Variants in SLC9C1 observed in about 807,000 individuals in gnomAD.
SLC9C1 encodes the protein solute carrier family 9 member C1.
SLC9C1 carries 97 observed loss-of-function variants against 140.9 expected under a neutral mutation model. The ratio of observed to expected loss-of-function variants is 0.69; its 90% CI spans 0.58 to 0.82. SLC9C1 has a LOEUF of 0.82. Among genes scored for constraint, SLC9C1 ranks in the 40% least tolerant of loss-of-function variants. The probability of loss-of-function intolerance (pLI) is 0.00; values close to 1 mark genes in which losing one functional copy is unlikely to be tolerated. For synonymous variants in SLC9C1, 440 were observed against 442.6 expected, an observed-to-expected ratio of 0.99 and a Z score of 0.07; for missense variants, 1,340 against 1,389.3, an observed-to-expected ratio of 0.96 and a Z score of 0.56.
chr3:112,216,431 G>A (rs1560079199), intron 15 of SLC9C1, among the ~76,000 whole-genome samples: 1 of 151,966 alleles, frequency 6.6e-6, no homozygotes, highest in Non-Finnish European at 1.5e-5. Flanking sequence ...CCTACAGAAT[G>A]GGAGAAAATT....
intron 10 of SLC9C1, among the ~76,000 whole-genome samples, chr3:112,258,918 G>GA (rs1423836182): frequency 5.3e-5 from 8 of 151,984 alleles, no homozygotes; most frequent in Admixed American, 2.6e-4. Flanking sequence ...AGGAGAGAGA[G>GA]GGAGTCAAAG....
At chr3:112,180,711 G>C (rs760917340) in intron 21 of SLC9C1, 49 bp from the exon 22 acceptor site, 1 of 1,445,628 alleles carries the variant, frequency 6.9e-7, no homozygotes, top group African/African-American at 1.4e-5. Context: ...TTTTAGAAGT[G>C]GTTGGGAATG....
Position 112,215,273 on chromosome 3 carries a change from A to G in SLC9C1, c.1790+2169T>C, listed in dbSNP as rs375448789. 2.5e-4 allele frequency among the ~76,000 whole-genome samples: 38 copies of G among 150,780 alleles called. 1 individual carries two copies. In the East Asian group the frequency reaches 5.4e-3, roughly 22 times the overall value. On this transcript the variant is annotated intron_variant, in intron 15 of 28. Coordinates refer to ENST00000305815, the MANE Select transcript of SLC9C1 (RefSeq NM_183061.3). ...TATCATACTGAATGGGCAAAAACTG[A>G]AAGCATTCCCTTTGAAAACTGGCAC...
At chr3:112,162,572 T>C (rs561870301) in intron 26 of SLC9C1, among the ~76,000 whole-genome samples, 1,528 of 152,344 alleles carry the variant, frequency 0.01, 25 homozygotes, top group African/African-American at 0.034. Context: ...CTGGAGTACA[T>C]TTATTGATTT....
At chr3:112,185,161 CT>C (rs1372766759) in intron 20 of SLC9C1, among the ~76,000 whole-genome samples, 7 of 152,076 alleles carry the variant, frequency 4.6e-5, no homozygotes, top group Non-Finnish European at 8.8e-5. Context: ...GCCCACTCTG[CT>C]TCACTCGTCC....
intron 10 of SLC9C1, among the ~76,000 whole-genome samples, chr3:112,250,504 G>T (rs2079424282): frequency 6.7e-6 from 1 of 148,708 alleles, no homozygotes; most frequent in South Asian, 2.2e-4. Context: ...TTCCACAATG[G>T]TTGAACTAGT....
At position 112,179,606 on chromosome 3, in the gene SLC9C1, TCCACTGAGCATA is replaced by T; in HGVS notation, c.2832_2843del (p.Tyr944_Gly948delinsTer). The T allele has an allele frequency of 1.2e-6, 2 of 1,612,218 alleles. No individual in the cohort carries two copies. The highest frequency in any genetic ancestry group is 1.7e-6 in the Non-Finnish European group (2 of 1,179,302). ...AGCAGTTTATCTCTCCTATTATTTCTCCACTGAGCATATAGTCTGTGTCAATTATCGGAAAAT... is the reference window on the plus strand; with the variant it reads ...AGCAGTTTATCTCTCCTATTATTTCTTAGTCTGTGTCAATTATCGGAAAAT... On this transcript the variant is annotated stop_gained and inframe_deletion, in exon 23 of 29. Coordinates refer to ENST00000305815, the MANE Select transcript of SLC9C1 (RefSeq NM_183061.3). LOFTEE classifies it high-confidence loss of function.
chr3:112,211,274 A>T (rs2078195605), intron 15 of SLC9C1, among the ~76,000 whole-genome samples: 1 of 152,226 alleles, frequency 6.6e-6, no homozygotes, highest in African/African-American at 2.4e-5. Context: ...ACAGCTCCCA[A>T]CATGAGTGAC....
chr3:112,204,082 A>G (rs2108044749), intron 17 of SLC9C1, 136 bp downstream of exon 17: 1 of 998,450 alleles, frequency 1.0e-6, no homozygotes, highest in East Asian at 4.1e-5. Context: ...TAATTTGCCA[A>G]AGGAAGCTAA....
At chr3:112,265,482 C>T (rs2079892555) in intron 8 of SLC9C1, among the ~76,000 whole-genome samples, 1 of 152,036 alleles carries the variant, frequency 6.6e-6, no homozygotes. Flanking sequence ...ATCTTTTAAG[C>T]TTCTTATATC....
At chr3:112,242,281 T>C (rs558654961) in intron 11 of SLC9C1, among the ~76,000 whole-genome samples, 165 of 152,220 alleles carry the variant, frequency 1.1e-3, no homozygotes, top group Middle Eastern at 3.4e-3. Flanking sequence ...TGGCAAAGGT[T>C]AAGTGTCCAT....
At chr3:112,185,713 C>T in intron 20 of SLC9C1, 6 of 1,540,468 alleles carry the variant, frequency 3.9e-6, no homozygotes, top group Non-Finnish European at 5.2e-6. Flanking sequence ...TTGAGCTCCT[C>T]GGACACGGCG....
intron 6 of SLC9C1, among the ~76,000 whole-genome samples, chr3:112,274,155 A>T (rs1308508844): frequency 6.6e-6 from 1 of 152,118 alleles, no homozygotes; most frequent in African/African-American, 2.4e-5. Context: ...GAGACTAAAC[A>T]TTGAAAATGA....
chr3:112,221,291 A>C, intron 13 of SLC9C1, 66 bp from the exon 14 acceptor site: 1 of 1,315,224 alleles, frequency 7.6e-7, no homozygotes, highest in Non-Finnish European at 1.1e-6. Flanking sequence ...TACAATCTTG[A>C]TGGGAAAAAT....
At chr3:112,170,370 A>T (rs1398331844) in intron 23 of SLC9C1, among the ~76,000 whole-genome samples, 1 of 152,190 alleles carries the variant, frequency 6.6e-6, no homozygotes, top group Non-Finnish European at 1.5e-5. Context: ...CATTTTTCTG[A>T]TGATTAATGA....
intron 6 of SLC9C1, among the ~76,000 whole-genome samples, chr3:112,272,132 A>G (rs2080095586): frequency 6.6e-6 from 1 of 152,224 alleles, no homozygotes; most frequent in South Asian, 2.1e-4. Context: ...AGAGCTGGTC[A>G]TGGCAATAAT....
intron 5 of SLC9C1, among the ~76,000 whole-genome samples, chr3:112,276,824 ATCT>A (rs2108334340): frequency 6.6e-6 from 1 of 152,156 alleles, no homozygotes; most frequent in East Asian, 1.9e-4. Context: ...GGATGTTGGC[ATCT>A]TCTTCTAAAG....
chr3:112,218,165 T>C (rs897545565), intron 14 of SLC9C1, among the ~76,000 whole-genome samples: 5 of 112,188 alleles, frequency 4.5e-5, no homozygotes, highest in African/African-American at 1.6e-4. Flanking sequence ...TTCTGTAGCT[T>C]TCTGCTAGGT....
chr3:112,261,651 T>G (rs2079775429), intron 10 of SLC9C1, among the ~76,000 whole-genome samples: 1 of 152,086 alleles, frequency 6.6e-6, no homozygotes, highest in South Asian at 2.1e-4. Flanking sequence ...AAGGAGTTAC[T>G]TCTAGTGAGG....
Sources: allele counts gnomAD v4.1 joint callset (sites outside exome capture counted in the v4.1 genomes callset), GRCh38; gene constraint gnomAD v4.1.1; transcripts MANE v1.5; gene names NCBI Gene and HGNC (gene_info 2026-07-23, HGNC 2026-07-21).